Variants in DORIP1 observed in about 807,000 individuals in gnomAD.
DORIP1 encodes the protein dopamine receptor-interacting protein 1.
the DORIP1 span, among the ~76,000 whole-genome samples, chr14:44,898,526 A>G: frequency 6.6e-6 from 1 of 152,224 alleles, no homozygotes; most frequent in Non-Finnish European, 1.5e-5. Context: ...CCTTGCTACA[A>G]AGTTCTTTAA....
At chr14:44,905,252 C>T in the DORIP1 span, 1 of 649,036 alleles carries the variant, frequency 1.5e-6, no homozygotes, top group Admixed American at 3.2e-5. Context: ...ATATCTTTTT[C>T]AGGGAACAGA....
At chr14:44,900,874 ATG>A in the DORIP1 span, 1 of 1,613,608 alleles carries the variant, frequency 6.2e-7, no homozygotes, top group Non-Finnish European at 8.5e-7. Flanking sequence ...TGAAAATCTC[ATG>A]TCTACCATTC....
chr14:44,901,407 G>A, the DORIP1 span, among the ~76,000 whole-genome samples: 1 of 152,184 alleles, frequency 6.6e-6, no homozygotes, highest in Non-Finnish European at 1.5e-5. Flanking sequence ...GCATGAAGCA[G>A]TCACAGAAAT....
At chr14:44,900,639 C>G in the DORIP1 span, 1 of 1,607,812 alleles carries the variant, frequency 6.2e-7, no homozygotes, top group Non-Finnish European at 8.5e-7. Flanking sequence ...TATTATATGT[C>G]ATTCTTAATG....
chr14:44,900,454 G>T, the DORIP1 span: 2 of 1,530,232 alleles, frequency 1.3e-6, no homozygotes, highest in East Asian at 4.5e-5. Flanking sequence ...ACTGTTTGAA[G>T]AGATCAAAGC....
chr14:44,903,948 AT>A, the DORIP1 span: 1 of 974,374 alleles, frequency 1.0e-6, no homozygotes, highest in Non-Finnish European at 1.2e-6. Flanking sequence ...ATAATTCAAT[AT>A]GTTATATTCT....
the DORIP1 span, chr14:44,903,709 TATA>T: frequency 3.1e-6 from 3 of 966,034 alleles, no homozygotes; most frequent in Non-Finnish European, 3.7e-6. Context: ...TACATTATTG[TATA>T]ATGAGAATTA....
the DORIP1 span, chr14:44,904,551 T>G: frequency 3.7e-5 from 57 of 1,557,824 alleles, no homozygotes; most frequent in South Asian, 6.9e-4. Context: ...TGTTGTTGTT[T>G]CTTTATAAAA....
chr14:44,897,527 C>T, the DORIP1 span: 3 of 204,174 alleles, frequency 1.5e-5, no homozygotes, highest in Non-Finnish European at 2.9e-5. Context: ...GCGGCGGCGG[C>T]GACGGGTGCG....
chr14:44,898,380 C>T, the DORIP1 span, among the ~76,000 whole-genome samples: 2 of 152,110 alleles, frequency 1.3e-5, no homozygotes, highest in African/African-American at 4.8e-5. Flanking sequence ...GTTTAATTCT[C>T]TTAGAGTGTA....
chr14:44,904,639 G>A, the DORIP1 span: 2 of 1,134,616 alleles, frequency 1.8e-6, no homozygotes, highest in African/African-American at 1.6e-5. Flanking sequence ...AATCATATCT[G>A]TCTCTAAATT....
chr14:44,904,574 A>T, the DORIP1 span: 6 of 1,515,848 alleles, frequency 4.0e-6, no homozygotes, highest in African/African-American at 1.4e-5. Flanking sequence ...AATAAAAAAA[A>T]TTTATCCTGT....
At chr14:44,902,350 C>A in the DORIP1 span, among the ~76,000 whole-genome samples, 2 of 152,044 alleles carry the variant, frequency 1.3e-5, no homozygotes, top group African/African-American at 2.4e-5. Context: ...TTTTTTGAGA[C>A]AGGGTCTCAC....
the DORIP1 span, among the ~76,000 whole-genome samples, chr14:44,901,480 T>A: frequency 2.0e-5 from 3 of 152,238 alleles, no homozygotes; most frequent in Non-Finnish European, 4.4e-5. Context: ...AAACATCTTA[T>A]AATTACTTTA....
chr14:44,904,413 A>G, the DORIP1 span: 3 of 1,610,566 alleles, frequency 1.9e-6, no homozygotes, highest in East Asian at 2.2e-5. Context: ...GCTTAAGAGA[A>G]TTTTCCCAAC....
At chr14:44,899,556 C>G in the DORIP1 span, among the ~76,000 whole-genome samples, 1 of 151,262 alleles carries the variant, frequency 6.6e-6, no homozygotes, top group Non-Finnish European at 1.5e-5. Flanking sequence ...TAGTCTTAGT[C>G]TATATAGCAA....
At chr14:44,904,599 G>C in the DORIP1 span, 1 of 1,391,178 alleles carries the variant, frequency 7.2e-7, no homozygotes. Flanking sequence ...TTATGATTTT[G>C]ACTAGCCCTT....
the DORIP1 span, among the ~76,000 whole-genome samples, chr14:44,902,282 T>C: frequency 6.6e-6 from 1 of 152,140 alleles, no homozygotes; most frequent in Non-Finnish European, 1.5e-5. Context: ...GCCTCTCCAG[T>C]AGCTGGGACT....
At chr14:44,906,386 C>T in the DORIP1 span, 1 of 152,020 alleles carries the variant, frequency 6.6e-6, no homozygotes, top group Non-Finnish European at 1.5e-5. Flanking sequence ...TAGAAATGCA[C>T]TTTAAATATA....
Sources: allele counts gnomAD v4.1 joint callset (sites outside exome capture counted in the v4.1 genomes callset), GRCh38; gene constraint gnomAD v4.1.1; transcripts MANE v1.5; gene names NCBI Gene and HGNC (gene_info 2026-07-23, HGNC 2026-07-21).